Variants in FOCAD observed in about 807,000 individuals in gnomAD.
FOCAD encodes the protein focadhesin.
FOCAD carries 198 observed loss-of-function variants against 225.6 expected under a neutral mutation model. The ratio of observed to expected loss-of-function variants is 0.88; its 90% CI spans 0.78 to 0.99. FOCAD has a LOEUF of 0.99. FOCAD is among the 50% of genes least tolerant of loss of function. The pLI is 0.00. For synonymous variants in FOCAD, 897 were observed against 755.0 expected (o/e 1.19, Z -3.08); for missense variants, 2,713 against 2,123.6 (o/e 1.28, Z -5.46).
chr9:20,982,426 C>T lies in FOCAD; in HGVS notation c.4708C>T (p.Arg1570Trp), dbSNP rs767012856. The T allele has an allele frequency of 1.2e-5, 19 of 1,613,404 alleles. No homozygotes were observed. The highest frequency in any genetic ancestry group is 9.9e-5 in the South Asian group (9 of 91,060). Residue 1570 changes from arginine to tryptophan, a missense_variant, in exon 39 of 44, where the codon CGG becomes TGG. Arg to Trp is a moderately radical substitution (Grantham distance 101, BLOSUM62 -3). Transcript: ENST00000338382. ...LLEMTDDDAN[R>W]IAQVTKSNIE... ...AGAAATGACAGATGATGATGCCAAT[C>T]GGATCGCCCAGGTTACTAAGGTAAT...
intron 15 of FOCAD, among the ~76,000 whole-genome samples, chr9:20,845,388 A>G (rs957176638): frequency 6.7e-6 from 1 of 148,224 alleles, no homozygotes; most frequent in Non-Finnish European, 1.5e-5. Context: ...TACTGAACAT[A>G]TTTAGTAGAA....
chr9:20,795,708 T>G (rs202148685), intron 11 of FOCAD, among the ~76,000 whole-genome samples: 1 of 128,636 alleles, frequency 7.8e-6, no homozygotes, highest in East Asian at 2.5e-4. Flanking sequence ...GGCGTGAACC[T>G]GGGAGGCAGA....
Position 20,995,812 on chromosome 9 carries a change from T to C in FOCAD, c.*183T>C, listed in dbSNP as rs1469974878. 4.5e-6 allele frequency: 2 copies of C among 439,842 alleles called. No homozygotes were observed. The highest frequency in any genetic ancestry group is 3.9e-5 in the Admixed American group (1 of 25,394). The allele number at this position is 439,842 out of a possible 1,614,324, so 27.2% of individuals were successfully genotyped here. A position where few individuals can be genotyped will look rare whatever the true frequency, so the allele number is the denominator to read the frequency against. ...CTCCTAAGAGAGGAGTGCATTGCTT[T>C]AGTACCCGGGCCAGTTGAGACTGAA... is the stretch of plus-strand genomic sequence containing the variant. On this transcript the variant is annotated 3_prime_UTR_variant, in exon 44 of 44. Coordinates refer to ENST00000338382, the MANE Select transcript of FOCAD (RefSeq NM_001375567.1).
At chr9:20,782,120 G>A (rs1225836338) in intron 10 of FOCAD, among the ~76,000 whole-genome samples, 191 bp downstream of exon 10, 2 of 152,130 alleles carry the variant, frequency 1.3e-5, no homozygotes, top group South Asian at 2.1e-4. Flanking sequence ...TGTGAAATAA[G>A]TTTGAAAATG....
At position 20,738,436 on chromosome 9, in the gene FOCAD, T is replaced by C. The variant is rs190744734; in HGVS notation, c.288-1800T>C. Among the ~76,000 whole-genome samples the C allele has an allele frequency of 6.2e-4, 94 of 152,312 alleles. No individual in the cohort carries two copies. The East Asian group carries it at 0.016, about 27-fold the overall frequency. On this transcript the variant is annotated intron_variant, in intron 4 of 43. Coordinates refer to ENST00000338382, the MANE Select transcript of FOCAD (RefSeq NM_001375567.1). ...ATGTGTAGCATGTGAGCAAGCCAAATCTTGATTTGACATCCATTGGAGAAC... is the reference window on the plus strand; with the variant it reads ...ATGTGTAGCATGTGAGCAAGCCAAACCTTGATTTGACATCCATTGGAGAAC...
chr9:20,815,723 G>A (rs1823663302), intron 11 of FOCAD, among the ~76,000 whole-genome samples: 1 of 152,066 alleles, frequency 6.6e-6, no homozygotes, highest in Non-Finnish European at 1.5e-5. Context: ...TCTTGAGACA[G>A]TCAATTATAG....
At chr9:20,847,067 T>C (rs990271513) in intron 15 of FOCAD, among the ~76,000 whole-genome samples, 1 of 152,150 alleles carries the variant, frequency 6.6e-6, no homozygotes, top group Non-Finnish European at 1.5e-5. Flanking sequence ...AATAGCTTTA[T>C]TGAGATAAAA....
rs1166881835 is a variant in FOCAD, at chr9:20,912,922, G to C, written c.2775G>C (p.Glu925Asp). The C allele has an allele frequency of 6.2e-7, 1 of 1,613,174 alleles. No homozygotes were observed. Among genetic ancestry groups the C allele is most frequent in the Non-Finnish European group, 8.5e-7 (1 of 1,179,544 alleles). ...QLKHGKEEPE[E>D]VQYKKSTAWL... is the part of the protein sequence containing the mutation. ...AACATGGAAAAGAAGAACCTGAGGA[G>C]GTGCAGTACAAAAAAAGCACAGCCT... The change falls in exon 23 of 44, where the codon GAG becomes GAC. Residue 925 changes from glutamate (E) to aspartate (D), a missense_variant. Glu to Asp is a conservative substitution (Grantham distance 45, BLOSUM62 2). Transcript: ENST00000338382.
chr9:20,713,989 C>G (rs937215163), intron 1 of FOCAD, among the ~76,000 whole-genome samples: 1 of 152,074 alleles, frequency 6.6e-6, no homozygotes, highest in Admixed American at 6.6e-5. Flanking sequence ...ATGTCAAATT[C>G]GGGGAGGAAA....
At chr9:20,974,276 C>T (rs1840037770) in intron 35 of FOCAD, among the ~76,000 whole-genome samples, 1 of 138,506 alleles carries the variant, frequency 7.2e-6, no homozygotes, top group Non-Finnish European at 1.5e-5. Context: ...CTGTCTCTGC[C>T]CTACTTCCCC....
chr9:20,758,211 T>G lies in FOCAD; in HGVS notation c.494+20T>G. 6.4e-7 allele frequency: 1 copy of G among 1,564,734 alleles called. No individual in the cohort carries two copies. Reference sequence around the variant, plus strand: ...TGAAAGGTAATGTAAAATAAAAGTGTAAAATAAAGTGAGGGAGACAGAATG... The same window carrying G: ...TGAAAGGTAATGTAAAATAAAAGTGGAAAATAAAGTGAGGGAGACAGAATG... On this transcript the variant is annotated intron_variant, in intron 6 of 43. Transcript: ENST00000338382.
intron 27 of FOCAD, among the ~76,000 whole-genome samples, chr9:20,930,915 C>T (rs1428173069): frequency 6.6e-6 from 1 of 152,070 alleles, no homozygotes; most frequent in African/African-American, 2.4e-5. Flanking sequence ...TGATTTTTTC[C>T]CTTTGCTACT....
At chr9:20,674,261 T>C (rs1318207244) in intron 2 of FOCAD, among the ~76,000 whole-genome samples, 1 of 152,240 alleles carries the variant, frequency 6.6e-6, no homozygotes, top group South Asian at 2.1e-4. Flanking sequence ...TTATTTATGC[T>C]ATTGAGGTTA....
chr9:20,764,064 A>G (rs919728518), intron 6 of FOCAD, among the ~76,000 whole-genome samples: 5 of 152,210 alleles, frequency 3.3e-5, no homozygotes, highest in South Asian at 2.1e-4. Flanking sequence ...AAGACATAAC[A>G]TGCAGTAACT....
chr9:20,676,219 G>A (rs1822230287), intron 2 of FOCAD, among the ~76,000 whole-genome samples: 1 of 152,148 alleles, frequency 6.6e-6, no homozygotes, highest in African/African-American at 2.4e-5. Context: ...AAGTTCCAAT[G>A]GTGAACTTCA....
At chr9:20,978,317 C>G in intron 36 of FOCAD, 22 bp from the exon 37 acceptor site, 1 of 1,518,860 alleles carries the variant, frequency 6.6e-7, no homozygotes. Context: ...ATATTCAATT[C>G]TTTTCCTTTC....
In FOCAD at chr9:20,933,056, G is replaced by A. The variant is rs149998482; in HGVS notation, c.3360G>A (p.Ser1120=). 241 of 1,613,922 alleles carry A rather than the reference G, an allele frequency of 1.5e-4. No individual in the cohort carries two copies. Among genetic ancestry groups the A allele is most frequent in the Admixed American group, 3.3e-4 (20 of 60,024 alleles). ...AGATGAACCTTCTTCTGATGAAGTC[G>A]TTGGATGCCCTGGAAAATTGCTGCT... is the stretch of plus-strand genomic sequence containing the variant. ...GQEMNLLLMK[S]LDALENCCFD... The change falls in exon 28 of 44, where the codon TCG becomes TCA. Residue 1120 remains serine, a synonymous_variant. Coordinates refer to ENST00000338382, the MANE Select transcript of FOCAD (RefSeq NM_001375567.1).
intron 11 of FOCAD, among the ~76,000 whole-genome samples, chr9:20,801,496 T>C (rs74347048): frequency 0.025 from 3,755 of 152,276 alleles, 76 homozygotes; most frequent in Non-Finnish European, 0.04. Flanking sequence ...ATATACATTT[T>C]AATTGTAATT....
At chr9:20,751,081 T>C (rs1828495608) in intron 5 of FOCAD, among the ~76,000 whole-genome samples, 1 of 152,086 alleles carries the variant, frequency 6.6e-6, no homozygotes, top group African/African-American at 2.4e-5. Context: ...AGAGCCAGGA[T>C]GTAAATTTGG....
Sources: allele counts gnomAD v4.1 joint callset (sites outside exome capture counted in the v4.1 genomes callset), GRCh38; gene constraint gnomAD v4.1.1; transcripts MANE v1.5; gene names NCBI Gene and HGNC (gene_info 2026-07-23, HGNC 2026-07-21).